Variants in CCDC18 observed in about 807,000 individuals in gnomAD.
CCDC18 encodes coiled-coil domain containing 18, also known as coiled-coil domain-containing protein 18.
CCDC18 carries 157 observed loss-of-function variants against 196.0 expected under a neutral mutation model. The observed-to-expected ratio is 0.80, with a 90% CI of 0.70 to 0.91. The LOEUF is 0.91. CCDC18 is among the 40% of genes least tolerant of loss of function. CCDC18 has a pLI of 0.00. For missense variants in CCDC18, 1,465 were observed against 1,611.6 expected, an observed-to-expected ratio of 0.91 and a Z score of 1.56; for synonymous variants, 482 against 529.2, an observed-to-expected ratio of 0.91 and a Z score of 1.22.
intron 6 of CCDC18, among the ~76,000 whole-genome samples, chr1:93,198,900 G>T (rs1220806220): frequency 6.6e-6 from 1 of 152,236 alleles, no homozygotes; most frequent in East Asian, 1.9e-4. Flanking sequence ...TCTTGCTTTG[G>T]CCTCCTAAAG....
intron 27 of CCDC18, 173 bp downstream of exon 27, chr1:93,265,074 T>A (rs1407502611): frequency 5.4e-6 from 3 of 551,476 alleles, no homozygotes. Flanking sequence ...ATGATGTACA[T>A]CTTATTACCG....
intron 18 of CCDC18, among the ~76,000 whole-genome samples, chr1:93,232,948 G>C (rs573701509): frequency 1.9e-3 from 284 of 152,248 alleles, no homozygotes; most frequent in African/African-American, 6.7e-3. Context: ...TCCAGCCTGG[G>C]CGACAGAGTG....
At chr1:93,271,514 C>T in intron 28 of CCDC18, 1 of 985,350 alleles carries the variant, frequency 1.0e-6, no homozygotes, top group Non-Finnish European at 1.2e-6. Context: ...TTTCCCTCTT[C>T]CTTTCATTTC....
intron 23 of CCDC18, among the ~76,000 whole-genome samples, chr1:93,249,092 C>T (rs868100239): frequency 2.6e-5 from 4 of 151,708 alleles, no homozygotes; most frequent in Non-Finnish European, 5.9e-5. Context: ...TGTATCAGGT[C>T]CTGGGCTTTT....
chr1:93,201,396 T>A (rs1284537387), intron 6 of CCDC18, among the ~76,000 whole-genome samples: 1 of 152,160 alleles, frequency 6.6e-6, no homozygotes, highest in Non-Finnish European at 1.5e-5. Context: ...TGGTTGGTGG[T>A]GGTTGTGTTT....
At chr1:93,244,506 A>T (rs1661236431) in intron 21 of CCDC18, among the ~76,000 whole-genome samples, 1 of 152,220 alleles carries the variant, frequency 6.6e-6, no homozygotes, top group Admixed American at 6.5e-5. Context: ...AATATTCAGA[A>T]TTGGCAAATT....
At chr1:93,231,915 C>A (rs1413431622) in intron 17 of CCDC18, among the ~76,000 whole-genome samples, 1 of 152,184 alleles carries the variant, frequency 6.6e-6, no homozygotes, top group African/African-American at 2.4e-5. Flanking sequence ...GTGAAAGAAT[C>A]AGGTGAAGTG....
At position 93,258,802 on chromosome 1, in the gene CCDC18, G is replaced by A; in HGVS notation, c.3601G>A (p.Ala1201Thr). ...ACTGGGGGCTTCTAAAGTACGTGAA[G>A]CTCATTTAGAAGCAAGAATGCAAGC... ...EELGASKVRE[A>T]HLEARMQAEI... Residue 1201 changes from alanine to threonine, a missense_variant, in exon 26 of 29, where the codon GCT (alanine) becomes ACT (threonine). Ala to Thr is a moderately conservative substitution (Grantham distance 58). Coordinates refer to ENST00000690025, the MANE Select transcript of CCDC18 (RefSeq NM_001378204.1). 2 of 1,595,318 alleles carry A rather than the reference G, an allele frequency of 1.3e-6. No individual in the cohort carries two copies. Among genetic ancestry groups the A allele is most frequent in the Non-Finnish European group, 1.7e-6 (2 of 1,171,324 alleles).
At position 93,236,257 on chromosome 1, in the gene CCDC18, C is replaced by T; in HGVS notation, c.2470C>T (p.Leu824=). ...QTKLEKQVSK[L]EQELQKQRES... is the part of the protein sequence containing the mutation. ...AAAACTGCTTTACAAGGTGTCAAAA[C>T]TGGAACAAGAACTTCAAAAACAAAG... Residue 824 remains leucine, a synonymous_variant, in exon 19 of 29, where the codon CTG becomes TTG. Coordinates refer to ENST00000690025, the MANE Select transcript of CCDC18 (RefSeq NM_001378204.1). 6.4e-7 allele frequency: 1 copy of T among 1,570,046 alleles called. No homozygotes were observed. Among genetic ancestry groups the T allele is most frequent in the East Asian group, 2.4e-5 (1 of 42,260 alleles).
Position 93,274,273 on chromosome 1 carries a change from C to T in CCDC18, c.4353+3459C>T, listed in dbSNP as rs372082796. The stretch of plus-strand genomic sequence containing the variant: ...CAAAAATTAGCTGGGCATGGTGGTG[C>T]GCACCTGTAATCCCAGCTGCTCAGG... On this transcript the variant is annotated intron_variant, in intron 28 of 28. Coordinates refer to ENST00000690025, the MANE Select transcript of CCDC18 (RefSeq NM_001378204.1). 4.6e-5 allele frequency among the ~76,000 whole-genome samples: 7 copies of T among 152,020 alleles called. No individual in the cohort carries two copies. In the South Asian group the frequency reaches 1.0e-3, roughly 23 times the overall value.
rs1362889979 is a variant in CCDC18 at position 93,214,955 on chromosome 1, C to A, written c.1708C>A (p.Leu570Met). 1 of 1,595,742 alleles carries A rather than the reference C, an allele frequency of 6.3e-7. No individual in the cohort carries two copies. Among genetic ancestry groups the A allele is most frequent in the East Asian group, 2.2e-5 (1 of 44,626 alleles). Residue 570 changes from leucine (L) to methionine (M), a missense_variant, in exon 12 of 29, where the codon CTG (leucine) becomes ATG (methionine). Coordinates refer to ENST00000690025, the MANE Select transcript of CCDC18 (RefSeq NM_001378204.1). ...LLEKASNSSK[L>M]ESEMTKKCSQ... ...AGAGAAAGCTTCAAACTCCAGCAAA[C>A]TGGAAAGTGAAGTAAGCTTGGAATT...
chr1:93,221,636 C>A lies in CCDC18; in HGVS notation c.1990C>A (p.Gln664Lys). The A allele has an allele frequency of 6.5e-7, 1 of 1,542,684 alleles. No homozygotes were observed. The highest frequency in any genetic ancestry group is 1.3e-5 in the South Asian group (1 of 76,674). ...RLEAQLEKKDQQFKEQEKTMS... is the reference protein window; with the variant it reads ...RLEAQLEKKDKQFKEQEKTMS... The stretch of plus-strand genomic sequence containing the variant: ...TGAAGCTCAACTAGAGAAAAAGGAC[C>A]AACAATTTAAAGAACAAGAAAAGAC... The change falls in exon 15 of 29, where the codon CAA (glutamine) becomes AAA (lysine). Residue 664 changes from glutamine to lysine, a missense_variant. Gln to Lys is a moderately conservative substitution (Grantham distance 53, BLOSUM62 1). Transcript: ENST00000690025.
chr1:93,246,034 G>A (rs1056776993), intron 21 of CCDC18, 71 bp from the exon 22 acceptor site: 4 of 971,812 alleles, frequency 4.1e-6, no homozygotes, highest in Non-Finnish European at 6.0e-6. Context: ...GAGGTAACCT[G>A]GTTGACCTAA....
At chr1:93,265,390 AG>A (rs996096811) in intron 27 of CCDC18, among the ~76,000 whole-genome samples, 1 of 152,230 alleles carries the variant, frequency 6.6e-6, no homozygotes, top group African/African-American at 2.4e-5. Flanking sequence ...TTGAGTCTTA[AG>A]AAAAAGTTGA....
In CCDC18 at chr1:93,217,721, G is replaced by A; in HGVS notation, c.1831-17G>A. The A allele has an allele frequency of 6.9e-6, 11 of 1,594,102 alleles. No homozygotes were observed. Among genetic ancestry groups the A allele is most frequent in the Non-Finnish European group, 9.4e-6 (11 of 1,171,506 alleles). ...CCCAAATCAATTATACTCCTTTAAA[G>A]TGTTTTGTGTTTCTAGGAAAAGAAT... is the stretch of plus-strand genomic sequence containing the variant. On this transcript the variant is annotated splice_polypyrimidine_tract_variant and intron_variant, in intron 13 of 28. Coordinates refer to ENST00000690025, the MANE Select transcript of CCDC18 (RefSeq NM_001378204.1).
chr1:93,258,705 A>G (rs1663363179), intron 25 of CCDC18, 43 bp from the exon 26 acceptor site: 11 of 1,467,080 alleles, frequency 7.5e-6, no homozygotes, highest in Non-Finnish European at 1.0e-5. Flanking sequence ...TAATAACCAA[A>G]TAAACAAGTT....
intron 20 of CCDC18, 51 bp from the exon 21 acceptor site, chr1:93,239,632 T>C (rs770838061): frequency 1.2e-5 from 17 of 1,400,366 alleles, no homozygotes; most frequent in Admixed American, 6.1e-5. Context: ...ATACAAAGTT[T>C]GTAATAAATG....
At chr1:93,257,255 A>AAC (rs1557700197) in intron 25 of CCDC18, among the ~76,000 whole-genome samples, 3 of 146,980 alleles carry the variant, frequency 2.0e-5, no homozygotes, top group East Asian at 2.1e-4. Context: ...AAAAAAAAAA[A>AAC]AAAACATGAA....
chr1:93,236,504 G>A (rs796948157), intron 19 of CCDC18, 114 bp downstream of exon 19: 2 of 967,700 alleles, frequency 2.1e-6, no homozygotes, highest in African/African-American at 3.5e-5. Context: ...TGTCTCCATA[G>A]TCTGTGTTCC....
Sources: gnomAD v4.1 joint callset for allele counts (sites outside exome capture counted in the v4.1 genomes callset) on GRCh38, gnomAD v4.1.1 for gene constraint, MANE v1.5 for transcripts, NCBI Gene and HGNC (gene_info 2026-07-23, HGNC 2026-07-21) for gene names.